Variants in TENM3 observed in about 807,000 individuals in gnomAD.
TENM3 encodes teneurin-3.
Under a neutral mutation model 255.1 loss-of-function variants are expected in TENM3, and 63 were observed. The observed-to-expected ratio is 0.25, with a 90% CI of 0.20 to 0.30. The LOEUF (loss-of-function observed/expected upper bound fraction) is 0.30, where lower values mean the gene tolerates loss of function less well. TENM3 is among the 10% of genes least tolerant of loss of function. The probability of loss-of-function intolerance (pLI) is 1.00; values close to 1 mark genes in which losing one functional copy is unlikely to be tolerated. For missense variants in TENM3, 2,929 were observed against 3,461.1 expected, an observed-to-expected ratio of 0.85 and a Z score of 3.86; for synonymous variants, 1,306 against 1,322.3, an observed-to-expected ratio of 0.99 and a Z score of 0.27.
intron 3 of TENM3, among the ~76,000 whole-genome samples, chr4:182,469,232 T>C (rs534987231): frequency 6.6e-6 from 1 of 152,308 alleles, no homozygotes; most frequent in Admixed American, 6.5e-5. Flanking sequence ...ATGTCTCTGT[T>C]TTAGTGTTAG....
chr4:181,758,971 T>C, the TENM3 span, among the ~76,000 whole-genome samples: 1 of 152,206 alleles, frequency 6.6e-6, no homozygotes, highest in Non-Finnish European at 1.5e-5. Context: ...AACAAACTCA[T>C]GTTTTACAAA....
chr4:182,649,643 A>G (rs1391962551), intron 5 of TENM3, among the ~76,000 whole-genome samples: 1 of 150,568 alleles, frequency 6.6e-6, no homozygotes, highest in Non-Finnish European at 1.5e-5. Flanking sequence ...GAGTTAAACA[A>G]AATAGCCTGT....
intron 3 of TENM3, among the ~76,000 whole-genome samples, chr4:182,357,559 G>A (rs1765645776): frequency 6.8e-6 from 1 of 146,748 alleles, no homozygotes; most frequent in East Asian, 2.0e-4. Flanking sequence ...CTTTTTGATG[G>A]GGTTGTTTGT....
chr4:182,442,940 G>A (rs1772625464), intron 3 of TENM3, among the ~76,000 whole-genome samples: 1 of 151,594 alleles, frequency 6.6e-6, no homozygotes, highest in African/African-American at 2.4e-5. Context: ...GCTCAGGCTG[G>A]TCTTGAACTC....
At chr4:182,506,499 C>G (rs1371870413) in intron 3 of TENM3, among the ~76,000 whole-genome samples, 2 of 152,110 alleles carry the variant, frequency 1.3e-5, no homozygotes, top group Admixed American at 1.3e-4. Flanking sequence ...CTCTTTCTCT[C>G]TCCCTTCTTT....
At position 182,659,952 on chromosome 4, in the gene TENM3, G is replaced by A. The variant is rs529600623; in HGVS notation, c.1111+6059G>A. Among the ~76,000 whole-genome samples, 14 of 152,276 alleles carry A rather than the reference G, an allele frequency of 9.2e-5. 1 individual carries two copies. The East Asian group carries it at 2.3e-3, about 25-fold the overall frequency. ...TGGTGTCCTAGTTCTGATCATTAAC[G>A]CCTGTGCTACTTGGGACAGGTTATA... On this transcript the variant is annotated intron_variant, in intron 6 of 27. Coordinates refer to ENST00000511685, the MANE Select transcript of TENM3 (RefSeq NM_001080477.4).
chr4:182,777,592 C>G (rs1382834563), intron 24 of TENM3, among the ~76,000 whole-genome samples: 1 of 94,524 alleles, frequency 1.1e-5, no homozygotes, highest in South Asian at 4.0e-4. Flanking sequence ...GAGTTTCACT[C>G]TGTTGCCCAG....
chr4:181,944,168 A>G, the TENM3 span, among the ~76,000 whole-genome samples: 7 of 152,126 alleles, frequency 4.6e-5, no homozygotes, highest in Non-Finnish European at 1.5e-5. Context: ...TGGATTATGG[A>G]GGCTGAGAAG....
At chr4:181,536,075 G>A in the TENM3 span, among the ~76,000 whole-genome samples, 2 of 152,084 alleles carry the variant, frequency 1.3e-5, no homozygotes, top group South Asian at 2.1e-4. Context: ...AAACGTAAAA[G>A]CCAAAAACCA....
the TENM3 span, among the ~76,000 whole-genome samples, chr4:181,840,098 G>T: frequency 6.6e-6 from 1 of 151,848 alleles, no homozygotes; most frequent in Non-Finnish European, 1.5e-5. Context: ...TTTTGTCTCA[G>T]GAATCAAATT....
At chr4:181,903,239 T>C in the TENM3 span, among the ~76,000 whole-genome samples, 1 of 150,770 alleles carries the variant, frequency 6.6e-6, no homozygotes, top group African/African-American at 2.5e-5. Flanking sequence ...GAATTAGTTT[T>C]TTATATGTGT....
At chr4:182,298,010 C>T (rs956714662) in intron 1 of TENM3, among the ~76,000 whole-genome samples, 4 of 152,192 alleles carry the variant, frequency 2.6e-5, no homozygotes, top group African/African-American at 4.8e-5. Context: ...TGCACTTCCT[C>T]GGAGCCTGTA....
At chr4:182,038,497 G>T in the TENM3 span, among the ~76,000 whole-genome samples, 5 of 152,078 alleles carry the variant, frequency 3.3e-5, no homozygotes, top group African/African-American at 4.8e-5. Context: ...CTTGCTCAAG[G>T]TTATACTGAC....
the TENM3 span, among the ~76,000 whole-genome samples, chr4:182,013,200 G>A: frequency 2.0e-5 from 3 of 152,134 alleles, no homozygotes; most frequent in Non-Finnish European, 4.4e-5. Flanking sequence ...ATACCAGGCT[G>A]CTGCTGCCAC....
At chr4:181,565,316 A>T in the TENM3 span, among the ~76,000 whole-genome samples, 1 of 152,214 alleles carries the variant, frequency 6.6e-6, no homozygotes, top group South Asian at 2.1e-4. Flanking sequence ...CCTACCATTA[A>T]TGATCAAAGT....
intron 1 of TENM3, among the ~76,000 whole-genome samples, chr4:182,165,656 C>T (rs1579570777): frequency 6.6e-6 from 1 of 152,194 alleles, no homozygotes; most frequent in African/African-American, 2.4e-5. Context: ...ATACAGCTTC[C>T]ATGGGTCCCT....
In TENM3 at chr4:182,465,272, T is replaced by TA; in HGVS notation, c.511+118345dup. Among the ~76,000 whole-genome samples the TA allele has an allele frequency of 1.3e-5, 2 of 152,298 alleles. 1 individual carries two copies. Among genetic ancestry groups the TA allele is most frequent in the Middle Eastern group, 6.8e-3 (2 of 294 alleles). ...CTCCTAAAATTTGTATGTTGAAACCTAATCCTCACTGGGAGGGTATGAGGA... is the reference window on the plus strand; with the variant it reads ...CTCCTAAAATTTGTATGTTGAAACCTAAATCCTCACTGGGAGGGTATGAGGA... On this transcript the variant is annotated intron_variant, in intron 3 of 27. Coordinates refer to ENST00000511685, the MANE Select transcript of TENM3 (RefSeq NM_001080477.4).
chr4:181,521,276 T>C, the TENM3 span, among the ~76,000 whole-genome samples: 1 of 152,236 alleles, frequency 6.6e-6, no homozygotes. Flanking sequence ...GCTTCTTCAT[T>C]CAGATGAGGT....
the TENM3 span, among the ~76,000 whole-genome samples, chr4:181,968,060 C>A: frequency 2.0e-5 from 3 of 152,164 alleles, no homozygotes; most frequent in Non-Finnish European, 4.4e-5. Flanking sequence ...TGAACGCTGA[C>A]AGACTTTCTG....
Sources: allele counts gnomAD v4.1 joint callset (sites outside exome capture counted in the v4.1 genomes callset), GRCh38; gene constraint gnomAD v4.1.1; transcripts MANE v1.5; gene names NCBI Gene and HGNC (gene_info 2026-07-23, HGNC 2026-07-21).